RBMS3: variants seen among roughly 807,000 people sequenced by gnomAD.
The protein encoded by RBMS3 is RNA binding motif single stranded interacting protein 3, also known as RNA-binding motif, single-stranded-interacting protein 3.
A neutral mutation model predicts 66.8 loss-of-function variants in RBMS3; 27 were observed. The observed-to-expected ratio is 0.40, with a 90% CI of 0.30 to 0.56. RBMS3 has a LOEUF of 0.56. Among genes scored for constraint, RBMS3 ranks in the 20% least tolerant of loss-of-function variants. The pLI, the probability that RBMS3 is intolerant of heterozygous loss-of-function variation, is 0.40. For synonymous variants in RBMS3, 188 were observed against 183.0 expected, an observed-to-expected ratio of 1.03 and a Z score of -0.22; for missense variants, 513 against 549.5, an observed-to-expected ratio of 0.93 and a Z score of 0.66.
chr3:29,987,113 C>T (rs1432275537), intron 12 of RBMS3, among the ~76,000 whole-genome samples: 1 of 152,150 alleles, frequency 6.6e-6, no homozygotes, highest in Non-Finnish European at 1.5e-5. Flanking sequence ...TTGATCTCAG[C>T]AAATTTAGTA....
intron 8 of RBMS3, among the ~76,000 whole-genome samples, chr3:29,887,465 T>C (rs2059899270): frequency 6.6e-6 from 1 of 151,788 alleles, no homozygotes; most frequent in African/African-American, 2.4e-5. Context: ...CCCCTTTGCT[T>C]GGCACTGATT....
intron 1 of RBMS3, among the ~76,000 whole-genome samples, chr3:29,346,869 T>C (rs190850741): frequency 6.6e-6 from 1 of 152,336 alleles, no homozygotes; most frequent in Admixed American, 6.5e-5. Context: ...TTGAAGCTCT[T>C]TGTACACAAA....
intron 4 of RBMS3, among the ~76,000 whole-genome samples, chr3:29,619,891 G>A (rs918195958): frequency 2.6e-5 from 4 of 151,848 alleles, no homozygotes; most frequent in Non-Finnish European, 5.9e-5. Flanking sequence ...TTACACGTGA[G>A]GCTGTTTGTT....
intron 2 of RBMS3, among the ~76,000 whole-genome samples, chr3:29,487,698 G>T (rs1478768038): frequency 6.6e-6 from 1 of 151,902 alleles, no homozygotes. Flanking sequence ...TTCACAAAAA[G>T]CCTATAAAGA....
chr3:29,911,261 C>A (rs560065282), intron 10 of RBMS3, among the ~76,000 whole-genome samples: 9 of 152,134 alleles, frequency 5.9e-5, no homozygotes, highest in African/African-American at 2.2e-4. Context: ...GGGTTTTGGT[C>A]CTATTCACCA....
chr3:29,369,128 A>G (rs1049169153), intron 1 of RBMS3, among the ~76,000 whole-genome samples: 26 of 152,024 alleles, frequency 1.7e-4, no homozygotes, highest in African/African-American at 6.0e-4. Context: ...ACATAGACAC[A>G]TAGAGGGGAA....
At chr3:29,865,064 G>A (rs1473279193) in intron 6 of RBMS3, among the ~76,000 whole-genome samples, 1 of 133,540 alleles carries the variant, frequency 7.5e-6, no homozygotes, top group Non-Finnish European at 1.6e-5. Context: ...AAGGAAGGAA[G>A]AGAGAGACGA....
intron 4 of RBMS3, among the ~76,000 whole-genome samples, chr3:29,672,502 AAG>A (rs1212966975): frequency 6.6e-6 from 1 of 152,236 alleles, no homozygotes; most frequent in African/African-American, 2.4e-5. Flanking sequence ...AAATTGGATA[AAG>A]AGTCAAGACA....
intron 10 of RBMS3, 123 bp from the exon 11 acceptor site, chr3:29,935,963 G>T: frequency 1.3e-6 from 1 of 767,810 alleles, no homozygotes; most frequent in Non-Finnish European, 2.1e-6. Context: ...GTTGAATTTA[G>T]CCTTTTTAGT....
intron 1 of RBMS3, among the ~76,000 whole-genome samples, chr3:29,287,553 C>A (rs2032459669): frequency 6.6e-6 from 1 of 151,970 alleles, no homozygotes; most frequent in Non-Finnish European, 1.5e-5. Flanking sequence ...AAATATTGCT[C>A]TTTTCTTACC....
chr3:29,450,679 G>C (rs1400472348), intron 2 of RBMS3, among the ~76,000 whole-genome samples: 1 of 151,966 alleles, frequency 6.6e-6, no homozygotes, highest in Non-Finnish European at 1.5e-5. Context: ...TTATTCATAG[G>C]GGTAACTTTT....
In RBMS3 at chr3:29,886,009, T is replaced by G. The variant is rs768113224; in HGVS notation, c.791+1801T>G. On this transcript the variant is annotated intron_variant, in intron 8 of 14. Transcript: ENST00000383767. ...ATTATGTAGTCAATTATTAAAATTG[T>G]GTTTAGCATTTTTAATTAAAAAGAT... Among the ~76,000 whole-genome samples the G allele has an allele frequency of 7.9e-5, 12 of 152,024 alleles. No individual in the cohort carries two copies. In the East Asian group the frequency reaches 1.4e-3, roughly 17 times the overall value.
intron 7 of RBMS3, among the ~76,000 whole-genome samples, chr3:29,878,245 C>T (rs1044600368): frequency 6.6e-6 from 1 of 152,056 alleles, no homozygotes; most frequent in African/African-American, 2.4e-5. Flanking sequence ...AGCCCGGTTC[C>T]TAACAGGCCA....
At chr3:29,622,861 G>A (rs971305692) in intron 4 of RBMS3, among the ~76,000 whole-genome samples, 1 of 152,166 alleles carries the variant, frequency 6.6e-6, no homozygotes, top group African/African-American at 2.4e-5. Context: ...GCTCACAGCT[G>A]TAATCCCAGT....
At chr3:29,767,003 A>T (rs139696315) in intron 6 of RBMS3, 2 of 152,066 alleles carry the variant, frequency 1.3e-5, no homozygotes, top group Non-Finnish European at 2.9e-5. Context: ...AAAATGAAGG[A>T]TCATTAGTTG....
rs139220087 is a variant in RBMS3, at chr3:29,547,995, T to C, written c.308-39119T>C. ...TTATTAGTAGAGACGGGGTTTTCTA[T>C]GTTGGCCAAGGCTGGTCTCGCACTT... is the stretch of plus-strand genomic sequence containing the variant. On this transcript the variant is annotated intron_variant, in intron 3 of 14. Transcript: ENST00000383767. Among the ~76,000 whole-genome samples the C allele has an allele frequency of 3.2e-3, 487 of 152,018 alleles. 1 individual carries two copies. The highest frequency in any genetic ancestry group is 5.4e-3 in the Non-Finnish European group (368 of 67,942).
intron 2 of RBMS3, among the ~76,000 whole-genome samples, chr3:29,450,815 G>A (rs1293763120): frequency 6.6e-6 from 1 of 151,622 alleles, no homozygotes; most frequent in Non-Finnish European, 1.5e-5. Context: ...AAATAGTGAG[G>A]CAGATTTGAA....
intron 8 of RBMS3, among the ~76,000 whole-genome samples, chr3:29,896,527 C>A (rs2060126968): frequency 6.6e-6 from 1 of 151,624 alleles, no homozygotes; most frequent in African/African-American, 2.4e-5. Context: ...GCTCGCCACT[C>A]TAACCTTTTG....
At chr3:29,851,444 G>A (rs1470878247) in intron 6 of RBMS3, among the ~76,000 whole-genome samples, 1 of 152,110 alleles carries the variant, frequency 6.6e-6, no homozygotes, top group African/African-American at 2.4e-5. Context: ...TATTAGCTGG[G>A]TATACTTAAT....
Sources: allele counts gnomAD v4.1 joint callset (sites outside exome capture counted in the v4.1 genomes callset), GRCh38; gene constraint gnomAD v4.1.1; transcripts MANE v1.5; gene names NCBI Gene and HGNC (gene_info 2026-07-23, HGNC 2026-07-21).